Variants in PINX1 observed in about 807,000 individuals in gnomAD.
PINX1 encodes PIN2 (TERF1) interacting telomerase inhibitor 1.
In PINX1, 34 loss-of-function variants were observed where a neutral mutation model predicts 25.4. That is an observed-to-expected ratio of 1.34 (90% CI 1.02 to 1.78). PINX1 has a LOEUF of 1.78. PINX1 is among the 40% of genes most tolerant of loss of function. The pLI is 0.00. For synonymous variants in PINX1, 197 were observed against 147.7 expected (o/e 1.33, Z -2.42); for missense variants, 592 against 404.9 (o/e 1.46, Z -3.97).
chr8:10,786,756 C>G (rs971284559), intron 6 of PINX1, among the ~76,000 whole-genome samples: 26 of 152,236 alleles, frequency 1.7e-4, no homozygotes, highest in African/African-American at 6.3e-4. Flanking sequence ...TCTTGCTCCC[C>G]CAGAAAGCAG....
intron 4 of PINX1, among the ~76,000 whole-genome samples, chr8:10,829,285 CAAAAAAAAA>C (rs57684473): frequency 1.4e-4 from 13 of 90,536 alleles, no homozygotes; most frequent in African/African-American, 5.3e-4. Flanking sequence ...GACTCCATCT[CAAAAAAAAA>C]AAAAAAAAAA....
At chr8:10,816,311 T>A (rs1253529320) in intron 6 of PINX1, among the ~76,000 whole-genome samples, 2 of 152,216 alleles carry the variant, frequency 1.3e-5, no homozygotes, top group Non-Finnish European at 2.9e-5. Flanking sequence ...CCCTTTACTA[T>A]CTTTGCAACA....
chr8:10,768,523 T>C (rs1266757001), intron 6 of PINX1, among the ~76,000 whole-genome samples: 10 of 152,324 alleles, frequency 6.6e-5, no homozygotes. Context: ...CACGGGTCAC[T>C]GCACAGGCTT....
chr8:10,819,615 T>C (rs73662632), intron 6 of PINX1, among the ~76,000 whole-genome samples: 2,250 of 152,358 alleles, frequency 0.015, 71 homozygotes, highest in African/African-American at 0.051. Flanking sequence ...TAGAATAAAT[T>C]ATGGAGTTCA....
chr8:10,787,090 T>C (rs1382760397), intron 6 of PINX1, among the ~76,000 whole-genome samples: 1 of 152,186 alleles, frequency 6.6e-6, no homozygotes, highest in Admixed American at 6.5e-5. Flanking sequence ...TGAGCTCTGT[T>C]ATTTTTATAT....
chr8:10,825,592 T>C (rs1056972003), intron 5 of PINX1: 102 of 391,680 alleles, frequency 2.6e-4, no homozygotes, highest in African/African-American at 1.5e-3. Flanking sequence ...GATGAAGGAA[T>C]AGGAATTCTC....
intron 6 of PINX1, among the ~76,000 whole-genome samples, chr8:10,808,179 A>T (rs1802515407): frequency 6.6e-6 from 1 of 152,248 alleles, no homozygotes; most frequent in Non-Finnish European, 1.5e-5. Flanking sequence ...ATCATTATAC[A>T]ATACAATCAG....
intron 6 of PINX1, among the ~76,000 whole-genome samples, chr8:10,768,528 A>T (rs1044352444): frequency 6.6e-6 from 1 of 152,200 alleles, no homozygotes; most frequent in Non-Finnish European, 1.5e-5. Flanking sequence ...GTCACTGCAC[A>T]GGCTTGGCAG....
At chr8:10,779,426 C>A (rs538734104) in intron 6 of PINX1, among the ~76,000 whole-genome samples, 1 of 152,042 alleles carries the variant, frequency 6.6e-6, no homozygotes, top group Non-Finnish European at 1.5e-5. Context: ...TGGTGAAGAG[C>A]CACACAAAAA....
intron 6 of PINX1, among the ~76,000 whole-genome samples, chr8:10,778,832 A>C (rs1801494152): frequency 6.6e-6 from 1 of 152,184 alleles, no homozygotes; most frequent in African/African-American, 2.4e-5. Context: ...CTCATAGTTA[A>C]ATCTTTGTTT....
rs183870531 is a variant in PINX1 at position 10,785,808 on chromosome 8, C to A, written c.472-19892G>T. 3.1e-3 allele frequency among the ~76,000 whole-genome samples: 468 copies of A among 152,360 alleles called. 2 individuals are homozygous for A. Among genetic ancestry groups the A allele is most frequent in the African/African-American group, 0.011 (437 of 41,586 alleles). On this transcript the variant is annotated intron_variant, in intron 6 of 6. Coordinates refer to ENST00000314787, the MANE Select transcript of PINX1 (RefSeq NM_017884.6). ...ACATATACGTGTGTACAGGACCCCA[C>A]TCCATGTAAGGAACAAACACTACAT... is the stretch of plus-strand genomic sequence containing the variant.
intron 4 of PINX1, among the ~76,000 whole-genome samples, chr8:10,828,004 C>T (rs1008793227): frequency 2.6e-5 from 4 of 151,870 alleles, no homozygotes; most frequent in Non-Finnish European, 4.4e-5. Context: ...GACAGTGGAG[C>T]GAAACAAGCA....
Position 10,769,799 on chromosome 8 carries a change from C to A in PINX1, c.472-3883G>T, listed in dbSNP as rs897935845. ...GGTGCAAAGCCCTTGCTCCCTGTAC[C>A]ACAGGACCCCGACTCCTAGCTCCCA... On this transcript the variant is annotated intron_variant, in intron 6 of 6. Coordinates refer to ENST00000314787, the MANE Select transcript of PINX1 (RefSeq NM_017884.6). Among the ~76,000 whole-genome samples the A allele has an allele frequency of 1.3e-3, 195 of 152,306 alleles. 1 individual carries two copies. The highest frequency in any genetic ancestry group is 4.5e-3 in the African/African-American group (188 of 41,548).
intron 1 of PINX1, among the ~76,000 whole-genome samples, 152 bp from the exon 2 acceptor site, chr8:10,834,927 T>A (rs1289377882): frequency 6.6e-6 from 1 of 152,238 alleles, no homozygotes; most frequent in Admixed American, 6.5e-5. Flanking sequence ...CTCAACAGAA[T>A]GTTAGACTGG....
intron 6 of PINX1, among the ~76,000 whole-genome samples, chr8:10,818,917 G>C (rs924103989): frequency 1.2e-4 from 19 of 152,220 alleles, no homozygotes; most frequent in Admixed American, 8.5e-4. Context: ...ACAAGGAAGA[G>C]TGGCGTAGTC....
At chr8:10,814,508 T>G (rs2086032366) in intron 6 of PINX1, among the ~76,000 whole-genome samples, 1 of 152,250 alleles carries the variant, frequency 6.6e-6, no homozygotes, top group Admixed American at 6.5e-5. Flanking sequence ...ATGCAAGGTC[T>G]GAAAGCCAGT....
In PINX1 at chr8:10,820,307, C is replaced by T. The variant is rs753519444; in HGVS notation, c.395-38G>A. 97 of 1,437,476 alleles carry T rather than the reference C, an allele frequency of 6.7e-5. 1 individual carries two copies. In the East Asian group the frequency reaches 2.2e-3, roughly 32 times the overall value. The allele number at this position is 1,437,476 out of a possible 1,614,324, so 89.0% of individuals were successfully genotyped here. On this transcript the variant is annotated intron_variant, in intron 5 of 6. Coordinates refer to ENST00000314787, the MANE Select transcript of PINX1 (RefSeq NM_017884.6). ...TGTGATGCTTTTCAGTAAGACTGTT[C>T]TTCCTAAAAGAAAGAGCGCAGACAT... is the stretch of plus-strand genomic sequence containing the variant.
intron 1 of PINX1, among the ~76,000 whole-genome samples, chr8:10,837,313 G>C (rs1022819642): frequency 2.0e-5 from 3 of 152,176 alleles, no homozygotes; most frequent in African/African-American, 7.2e-5. Flanking sequence ...ACTACTGGAG[G>C]AATTAAGCGT....
chr8:10,785,722 T>C (rs1207740395), intron 6 of PINX1, among the ~76,000 whole-genome samples: 1 of 152,236 alleles, frequency 6.6e-6, no homozygotes, highest in Non-Finnish European at 1.5e-5. Context: ...CTAACTTGTG[T>C]GGAAAGACCG....
Sources: gnomAD v4.1 joint callset for allele counts (sites outside exome capture counted in the v4.1 genomes callset) on GRCh38, gnomAD v4.1.1 for gene constraint, MANE v1.5 for transcripts, NCBI Gene and HGNC (gene_info 2026-07-23, HGNC 2026-07-21) for gene names.